Variants in RGL1 observed in about 807,000 individuals in gnomAD.
RGL1 encodes ral guanine nucleotide dissociation stimulator-like 1.
Under a neutral mutation model 95.2 loss-of-function variants are expected in RGL1, and 24 were observed. The ratio of observed to expected loss-of-function variants is 0.25; its 90% confidence interval spans 0.18 to 0.35. The LOEUF (loss-of-function observed/expected upper bound fraction) is 0.35, where lower values mean the gene tolerates loss of function less well. Ranked by LOEUF, RGL1 falls within the 10% of genes least tolerant of loss-of-function variation. The pLI is 1.00. For missense variants in RGL1, 715 were observed against 936.3 expected, an observed-to-expected ratio of 0.76 and a Z score of 3.08; for synonymous variants, 329 against 344.9, an observed-to-expected ratio of 0.95 and a Z score of 0.51.
At chr1:183,789,270 C>T (rs969087528) in intron 2 of RGL1, among the ~76,000 whole-genome samples, 9 of 151,864 alleles carry the variant, frequency 5.9e-5, no homozygotes, top group African/African-American at 2.2e-4. Context: ...ATAGTGAAAT[C>T]CTGTCTCTAC....
At chr1:183,819,329 C>A (rs141319425) in intron 2 of RGL1, among the ~76,000 whole-genome samples, 1 of 152,110 alleles carries the variant, frequency 6.6e-6, no homozygotes, top group Non-Finnish European at 1.5e-5. Flanking sequence ...CTGTAGTGTA[C>A]TTTGTGTGGT....
In RGL1 at chr1:183,900,178, T is replaced by C; in HGVS notation, c.1259T>C (p.Leu420Pro). The change falls in exon 11 of 18, where the codon CTG becomes CCG. Residue 420 changes from leucine to proline, a missense_variant. Transcript: ENST00000360851. ...GTGATGCAGGGAACTGTGCCCTACC[T>C]GGGCACCTTCCTGACTGACCTGACC... ...MGVMQGTVPY[L>P]GTFLTDLTML... 6.2e-7 allele frequency: 1 copy of C among 1,613,872 alleles called. No individual in the cohort carries two copies. The highest frequency in any genetic ancestry group is 8.5e-7 in the Non-Finnish European group (1 of 1,179,744).
At chr1:183,774,955 A>C (rs1345994458) in intron 2 of RGL1, among the ~76,000 whole-genome samples, 1 of 152,186 alleles carries the variant, frequency 6.6e-6, no homozygotes, top group Non-Finnish European at 1.5e-5. Flanking sequence ...TCACCAGATC[A>C]CAGCATCCAG....
At chr1:183,922,607 A>G (rs1669377626) in intron 17 of RGL1, among the ~76,000 whole-genome samples, 1 of 152,084 alleles carries the variant, frequency 6.6e-6, no homozygotes, top group South Asian at 2.1e-4. Flanking sequence ...CTCTTCAAAC[A>G]CTTTTCTAGG....
At chr1:183,662,042 G>C (rs943434966) in intron 1 of RGL1, among the ~76,000 whole-genome samples, 22 of 149,596 alleles carry the variant, frequency 1.5e-4, no homozygotes, top group Admixed American at 1.3e-3. Context: ...AATAAATTAG[G>C]TATTGATGGG....
chr1:183,719,140 T>C (rs748949551), intron 1 of RGL1, among the ~76,000 whole-genome samples: 12 of 152,214 alleles, frequency 7.9e-5, no homozygotes, highest in Non-Finnish European at 1.3e-4. Context: ...GAAAGGTAAA[T>C]TGTGAAATCT....
chr1:183,912,815 A>G (rs1668724884), intron 15 of RGL1, among the ~76,000 whole-genome samples: 1 of 152,242 alleles, frequency 6.6e-6, no homozygotes, highest in Non-Finnish European at 1.5e-5. Flanking sequence ...TGCCCTTAGC[A>G]TGCTAAGACG....
Position 183,757,017 on chromosome 1 carries a change from G to GT in RGL1, c.132+14731dup, listed in dbSNP as rs1334256397. Among the ~76,000 whole-genome samples the GT allele has an allele frequency of 3.4e-3, 274 of 80,784 alleles. 10 individuals carry two copies. In the East Asian group the frequency reaches 0.12, roughly 37 times the overall value. 53.0% of individuals were successfully genotyped at this position (80,784 alleles called of 152,430 possible). On this transcript the variant is annotated intron_variant, in intron 2 of 18. Transcript: ENST00000304685. The stretch of plus-strand genomic sequence containing the variant: ...TGGATAACACTTAGTTGGGTGGTTT[G>GT]TTTGTTTTTTTTTTTTTGTATTGCT...
chr1:183,912,232 T>G lies in RGL1; in HGVS notation c.1713T>G (p.Ile571Met). The G allele has an allele frequency of 6.2e-7, 1 of 1,614,042 alleles. No individual in the cohort carries two copies. Residue 571 changes from isoleucine (I) to methionine (M), a missense_variant, in exon 15 of 18, where the codon ATT (isoleucine) becomes ATG (methionine). This residue lies in a region of RGL1 where 330 missense variants were observed against 429.6 expected (regional missense o/e 0.77). Transcript: ENST00000360851. ...ACTCAGAGGCTGAGGAGGGCTCCAT[T>G]ACTCCCATGGACACCCCTGATGAGC... is the stretch of plus-strand genomic sequence containing the variant. ...SNHSEAEEGSITPMDTPDEPQ... is the reference protein window; with the variant it reads ...SNHSEAEEGSMTPMDTPDEPQ...
At chr1:183,656,466 C>A (rs114780727) in intron 1 of RGL1, among the ~76,000 whole-genome samples, 1 of 152,250 alleles carries the variant, frequency 6.6e-6, no homozygotes, top group African/African-American at 2.4e-5. Flanking sequence ...GTAACCTACT[C>A]TTGTACCAAT....
chr1:183,752,674 T>TTC (rs71130636), intron 2 of RGL1, among the ~76,000 whole-genome samples: 3,981 of 31,274 alleles, frequency 0.13, 111 homozygotes, highest in Non-Finnish European at 0.15. Flanking sequence ...CTTTCTCTCT[T>TTC]TCTCTCTCTC....
At chr1:183,911,159 A>G (rs1166188027) in intron 14 of RGL1, among the ~76,000 whole-genome samples, 2 of 152,150 alleles carry the variant, frequency 1.3e-5, no homozygotes, top group Non-Finnish European at 2.9e-5. Flanking sequence ...AATCTAGTTT[A>G]CTAGCGGTGT....
chr1:183,837,727 C>T lies in RGL1; in HGVS notation c.139-9839C>T, dbSNP rs912159160. ...AACGCCTTAGTTCAGCAGTCCCCAA[C>T]CTTTTGGCACCAGGGACTGGTTTTG... is the stretch of plus-strand genomic sequence containing the variant. On this transcript the variant is annotated intron_variant, in intron 2 of 17. Transcript: ENST00000360851. Among the ~76,000 whole-genome samples, 2 of 152,186 alleles carry T rather than the reference C, an allele frequency of 1.3e-5. 1 individual carries two copies. Among genetic ancestry groups the T allele is most frequent in the African/African-American group, 4.8e-5 (2 of 41,456 alleles).
intron 1 of RGL1, among the ~76,000 whole-genome samples, chr1:183,683,758 G>A (rs1011460997): frequency 3.9e-5 from 6 of 152,194 alleles, no homozygotes; most frequent in Non-Finnish European, 7.3e-5. Context: ...CCTGAAGAGT[G>A]TTTTCCAACT....
chr1:183,805,961 CTTTTCTTTTCTTTTTTTTTTTTTTTT>C (rs1355224922), intron 1 of RGL1, among the ~76,000 whole-genome samples: 8 of 43,338 alleles, frequency 1.8e-4, no homozygotes, highest in Admixed American at 2.4e-4. Context: ...TTTTCTTTTT[CTTTTCTTTTCTTTTTTTTTTTTTTTT>C]TTTTTTTTTT....
At chr1:183,776,867 AT>A (rs1055610448) in intron 2 of RGL1, among the ~76,000 whole-genome samples, 3 of 152,254 alleles carry the variant, frequency 2.0e-5, no homozygotes, top group Admixed American at 6.5e-5. Flanking sequence ...CGAGGTCTCC[AT>A]TTTTTGTACT....
intron 1 of RGL1, chr1:183,648,194 A>G (rs183290380): frequency 6.2e-7 from 1 of 1,614,230 alleles, no homozygotes; most frequent in Admixed American, 1.7e-5. Flanking sequence ...TGTGGAGAAC[A>G]GAATGCCAGA....
chr1:183,825,298 A>G (rs1662769542), intron 2 of RGL1, among the ~76,000 whole-genome samples: 1 of 152,218 alleles, frequency 6.6e-6, no homozygotes, highest in Non-Finnish European at 1.5e-5. Context: ...TACTTTAAGC[A>G]GTAAGAATGA....
In RGL1 at chr1:183,912,280, A is replaced by C; in HGVS notation, c.1749+12A>C. On this transcript the variant is annotated intron_variant, in intron 15 of 17. Coordinates refer to ENST00000360851, the MANE Select transcript of RGL1 (RefSeq NM_001297671.3). Reference sequence around the variant, plus strand: ...AGCCTCAAAAAAAGGTATATACTCAACCCTTCTCATAATTCCTAATGCAGG... The same window carrying C: ...AGCCTCAAAAAAAGGTATATACTCACCCCTTCTCATAATTCCTAATGCAGG... The C allele has an allele frequency of 6.2e-7, 1 of 1,606,988 alleles. No homozygotes were observed. The highest frequency in any genetic ancestry group is 1.3e-5 in the African/African-American group (1 of 74,804).
Sources: allele counts gnomAD v4.1 joint callset (sites outside exome capture counted in the v4.1 genomes callset), GRCh38; gene constraint gnomAD v4.1.1; regional missense constraint gnomAD v4.1.1; transcripts MANE v1.5; gene names NCBI Gene and HGNC (gene_info 2026-07-23, HGNC 2026-07-21).